Variants in TMEM266 observed in about 807,000 individuals in gnomAD.
TMEM266 encodes the protein Hv1 related protein 1.
In TMEM266, 33 loss-of-function variants were observed where a neutral mutation model predicts 50.5. That is an observed-to-expected ratio of 0.65 (90% CI 0.50 to 0.87). The LOEUF is 0.87. TMEM266 is among the 40% of genes least tolerant of loss of function. TMEM266 has a pLI of 0.00. For missense variants in TMEM266, 655 were observed against 695.1 expected, an observed-to-expected ratio of 0.94 and a Z score of 0.65; for synonymous variants, 310 against 292.3, an observed-to-expected ratio of 1.06 and a Z score of -0.62.
At chr15:76,084,357 G>A (rs1420008050) in intron 1 of TMEM266, among the ~76,000 whole-genome samples, 6 of 152,112 alleles carry the variant, frequency 3.9e-5, no homozygotes, top group African/African-American at 7.2e-5. Context: ...ATGAGTAGGC[G>A]TTAGCTCTGC....
chr15:76,146,781 C>T (rs1198363549), intron 3 of TMEM266, among the ~76,000 whole-genome samples: 1 of 152,224 alleles, frequency 6.6e-6, no homozygotes, highest in Non-Finnish European at 1.5e-5. Flanking sequence ...CCACAGCCTC[C>T]AGAAAGTCTT....
At chr15:76,122,959 T>C (rs1229694762) in intron 1 of TMEM266, among the ~76,000 whole-genome samples, 1 of 152,188 alleles carries the variant, frequency 6.6e-6, no homozygotes, top group East Asian at 1.9e-4. Context: ...AACTGAGTAA[T>C]GATGGATGGT....
chr15:76,119,406 A>AG (rs1316649462), intron 1 of TMEM266, among the ~76,000 whole-genome samples: 3 of 150,298 alleles, frequency 2.0e-5, no homozygotes, highest in Non-Finnish European at 3.0e-5. Context: ...AAAAAAAAAA[A>AG]AAAAAAGAAA....
At chr15:76,199,064 A>G (rs1041300213) in intron 9 of TMEM266, among the ~76,000 whole-genome samples, 1 of 152,242 alleles carries the variant, frequency 6.6e-6, no homozygotes, top group Non-Finnish European at 1.5e-5. Context: ...GCAGGAGTCC[A>G]AAGGGTAAAC....
chr15:76,143,659 C>T (rs1159116916), intron 3 of TMEM266, among the ~76,000 whole-genome samples: 2 of 152,196 alleles, frequency 1.3e-5, no homozygotes, highest in East Asian at 3.8e-4. Flanking sequence ...CCCAGCCCTT[C>T]TCCTGATTTT....
At chr15:76,178,710 C>T (rs959838321) in intron 8 of TMEM266, 3 of 152,198 alleles carry the variant, frequency 2.0e-5, no homozygotes, top group Admixed American at 6.5e-5. Flanking sequence ...GGGTCTCAGC[C>T]GGAGGGAGAC....
chr15:76,133,203 G>A (rs1418074361), intron 1 of TMEM266, among the ~76,000 whole-genome samples: 1 of 152,068 alleles, frequency 6.6e-6, no homozygotes, highest in Non-Finnish European at 1.5e-5. Context: ...GGAGGCCGAG[G>A]CGGGCGGATC....
chr15:76,063,928 T>G (rs1361496599), intron 1 of TMEM266, among the ~76,000 whole-genome samples: 2 of 152,192 alleles, frequency 1.3e-5, no homozygotes, highest in African/African-American at 4.8e-5. Context: ...TGGCTTACTC[T>G]TGAGCCGGTG....
rs553122527 is a variant in TMEM266, at chr15:76,160,340, A to G, written c.456+172A>G. On this transcript the variant is annotated intron_variant, in intron 5 of 10. Transcript: ENST00000388942. The surrounding 1 kb of genome is among the most constrained non-coding windows in gnomAD (Gnocchi z 5.7). Reference sequence around the variant, plus strand: ...TGATCTCTGCGGGGGGAAGTGGTACAGGGAGCCCAACCCAGCCAGGGGGGT... The same window carrying G: ...TGATCTCTGCGGGGGGAAGTGGTACGGGGAGCCCAACCCAGCCAGGGGGGT... Among the ~76,000 whole-genome samples, 1 of 152,356 alleles carries G rather than the reference A, an allele frequency of 6.6e-6. No individual in the cohort carries two copies. Among genetic ancestry groups the G allele is most frequent in the East Asian group, 1.9e-4 (1 of 5,186 alleles).
At chr15:76,135,129 A>C (rs993658334) in intron 2 of TMEM266, among the ~76,000 whole-genome samples, 2 of 152,254 alleles carry the variant, frequency 1.3e-5, no homozygotes, top group African/African-American at 4.8e-5. Flanking sequence ...AAAACAAGTC[A>C]CATGGCTGAA....
At chr15:76,148,759 A>C (rs1407394592) in intron 3 of TMEM266, among the ~76,000 whole-genome samples, 1 of 117,752 alleles carries the variant, frequency 8.5e-6, no homozygotes, top group Non-Finnish European at 1.6e-5. Flanking sequence ...ACCATACCCT[A>C]CTGTTTCCCA....
intron 3 of TMEM266, among the ~76,000 whole-genome samples, chr15:76,141,052 TGACAGA>T (rs953722112): frequency 1.2e-4 from 18 of 152,042 alleles, no homozygotes; most frequent in African/African-American, 4.3e-4. Flanking sequence ...CAACAAAACA[TGACAGA>T]GACGGGAATA....
chr15:76,067,374 G>C (rs1005273113), intron 1 of TMEM266, among the ~76,000 whole-genome samples: 1 of 152,080 alleles, frequency 6.6e-6, no homozygotes, highest in African/African-American at 2.4e-5. Flanking sequence ...TGGGTGCGGT[G>C]GTTCACGCCT....
At chr15:76,080,631 C>T (rs1313404089) in intron 1 of TMEM266, among the ~76,000 whole-genome samples, 1 of 152,076 alleles carries the variant, frequency 6.6e-6, no homozygotes, top group Non-Finnish European at 1.5e-5. Flanking sequence ...TTCAGGAGTA[C>T]TGCACTCTAC....
chr15:76,199,844 G>C (rs951546636), intron 9 of TMEM266, among the ~76,000 whole-genome samples: 13 of 151,978 alleles, frequency 8.6e-5, no homozygotes, highest in African/African-American at 2.9e-4. Flanking sequence ...GGGAGGGGTA[G>C]AGAATGCACA....
At chr15:76,098,158 G>C (rs2036949337) in intron 1 of TMEM266, among the ~76,000 whole-genome samples, 1 of 152,042 alleles carries the variant, frequency 6.6e-6, no homozygotes, top group African/African-American at 2.4e-5. Context: ...AAGGAGCTGT[G>C]ATCCTTTGGA....
At position 76,100,972 on chromosome 15, in the gene TMEM266, A is replaced by G. The variant is rs2036990770; in HGVS notation, c.-96-33196A>G. On this transcript the variant is annotated intron_variant, in intron 1 of 10. Coordinates refer to ENST00000388942, the MANE Select transcript of TMEM266 (RefSeq NM_152335.3). ...TTAAGTAGTTTTTCCTCATCATCAAAGCAATATGTGTTCAATGCTTACCTT... is the reference window on the plus strand; with the variant it reads ...TTAAGTAGTTTTTCCTCATCATCAAGGCAATATGTGTTCAATGCTTACCTT... Among the ~76,000 whole-genome samples, 2 of 151,784 alleles carry G rather than the reference A, an allele frequency of 1.3e-5. 1 individual carries two copies. The highest frequency in any genetic ancestry group is 4.2e-4 in the South Asian group (2 of 4,812).
chr15:76,134,873 A>T (rs2037565800), intron 2 of TMEM266, among the ~76,000 whole-genome samples: 1 of 152,236 alleles, frequency 6.6e-6, no homozygotes, highest in African/African-American at 2.4e-5. Context: ...TGTCTGGGGT[A>T]CTCAGCTAGA....
At chr15:76,200,421 T>C (rs913899950) in intron 9 of TMEM266, among the ~76,000 whole-genome samples, 1 of 152,206 alleles carries the variant, frequency 6.6e-6, no homozygotes, top group Non-Finnish European at 1.5e-5. Context: ...AGAGAGGGGA[T>C]GGGACCTGCT....
Sources: allele counts gnomAD v4.1 joint callset (sites outside exome capture counted in the v4.1 genomes callset), GRCh38; gene constraint gnomAD v4.1.1; non-coding constraint Gnocchi (gnomAD v3.1); transcripts MANE v1.5; gene names NCBI Gene and HGNC (gene_info 2026-07-23, HGNC 2026-07-21).